RNF166: variants seen among roughly 807,000 people sequenced by gnomAD.
RNF166 encodes E3 ubiquitin-protein ligase RNF166.
In RNF166, 19 loss-of-function variants were observed where a neutral mutation model predicts 29.4. That is an observed-to-expected ratio of 0.65 (90% CI 0.45 to 0.95). The LOEUF (loss-of-function observed/expected upper bound fraction) is 0.95, where lower values mean the gene tolerates loss of function less well. Among genes scored for constraint, RNF166 ranks in the 40% least tolerant of loss-of-function variants. The pLI is 0.00. For missense variants in RNF166, 347 were observed against 322.1 expected (o/e 1.08, Z -0.59); for synonymous variants, 171 against 134.5 (o/e 1.27, Z -1.88).
At chr16:88,701,820 C>T (rs377234700) in intron 1 of RNF166, among the ~76,000 whole-genome samples, 125 of 152,312 alleles carry the variant, frequency 8.2e-4, no homozygotes, top group African/African-American at 2.7e-3. Flanking sequence ...GAAACTCTCC[C>T]GGCTCCACAC....
intron 4 of RNF166, 36 bp from the exon 5 acceptor site, chr16:88,698,645 G>T: frequency 1.4e-6 from 2 of 1,442,222 alleles, no homozygotes; most frequent in Non-Finnish European, 1.9e-6. Context: ...GAGCCGGACC[G>T]CGGAGAGGCG....
chr16:88,700,506 G>C, intron 2 of RNF166: 1 of 713,494 alleles, frequency 1.4e-6, no homozygotes, highest in Non-Finnish European at 1.7e-6. Flanking sequence ...TGGACATCTG[G>C]ACCTTCGACC....
chr16:88,698,399 G>A (rs967675105), intron 5 of RNF166, 103 bp downstream of exon 5: 5 of 915,936 alleles, frequency 5.5e-6, no homozygotes, highest in African/African-American at 3.3e-5. Flanking sequence ...TCTGTTTCTG[G>A]CTTCCTCTGA....
chr16:88,705,225 C>T (rs1910660565), intron 1 of RNF166, among the ~76,000 whole-genome samples: 2 of 152,216 alleles, frequency 1.3e-5, no homozygotes, highest in Non-Finnish European at 2.9e-5. Flanking sequence ...TCCCAGCTCC[C>T]TCTGTACCAG....
At chr16:88,704,575 T>G (rs1910577088) in intron 1 of RNF166, 1 of 985,264 alleles carries the variant, frequency 1.0e-6, no homozygotes. Context: ...ACGGTGAAGG[T>G]GTTGGCACCC....
intron 1 of RNF166, chr16:88,704,155 G>A (rs1181239727): frequency 3.0e-6 from 3 of 985,352 alleles, no homozygotes; most frequent in African/African-American, 3.5e-5. Context: ...GCTTGCGGAG[G>A]GGACAGAACC....
intron 5 of RNF166, 161 bp downstream of exon 5, chr16:88,698,341 G>T: frequency 2.8e-6 from 2 of 725,638 alleles, no homozygotes; most frequent in South Asian, 2.9e-5. Flanking sequence ...CCCACCTGCA[G>T]GCAGCCCCCA....
intron 1 of RNF166, chr16:88,704,073 G>T (rs1910532699): frequency 1.0e-6 from 1 of 985,474 alleles, no homozygotes. Flanking sequence ...AGAGCAGGGT[G>T]CATGCCCCCA....
At position 88,706,386 on chromosome 16, in the gene RNF166, C is replaced by T. The variant is rs1910811403; in HGVS notation, c.-61G>A. 6 of 1,219,290 alleles carry T rather than the reference C, an allele frequency of 4.9e-6. No homozygotes were observed. The highest frequency in any genetic ancestry group is 6.2e-6 in the Non-Finnish European group (6 of 974,932). 75.5% of individuals were successfully genotyped at this position (1,219,290 alleles called of 1,614,324 possible). ...TCCTGGCCCGGGCCGGCCCGCTAGT[C>T]ACAGCCGCTACTGCGCCGCGCTGAC... On this transcript the variant is annotated 5_prime_UTR_variant, in exon 1 of 6. Transcript: ENST00000312838.
intron 1 of RNF166, chr16:88,701,776 G>T (rs1265878500): frequency 4.0e-6 from 1 of 252,222 alleles, no homozygotes; most frequent in Non-Finnish European, 7.7e-6. Flanking sequence ...CACCTGGGTG[G>T]GCTGTGGGGC....
At position 88,706,350 on chromosome 16, in the gene RNF166, GC is replaced by G; in HGVS notation, c.-26del. The G allele has an allele frequency of 4.9e-6, 6 of 1,214,192 alleles. No homozygotes were observed. The highest frequency in any genetic ancestry group is 3.2e-4 in the Middle Eastern group (1 of 3,110). The allele number at this position is 1,214,192 out of a possible 1,614,324, so 75.2% of individuals were successfully genotyped here. A position where few individuals can be genotyped will look rare whatever the true frequency, so the allele number is the denominator to read the frequency against. ...TCCCGGGGCCAGGCCCGCGCCGCCC[GC>G]CGCCCGCTGTCCTGGCCCGGGCCGG... On this transcript the variant is annotated 5_prime_UTR_variant, in exon 1 of 6. Transcript: ENST00000312838.
intron 2 of RNF166, among the ~76,000 whole-genome samples, chr16:88,700,364 G>C (rs967173091): frequency 6.7e-6 from 1 of 149,098 alleles, no homozygotes; most frequent in African/African-American, 2.6e-5. Flanking sequence ...AGGCCGCTCT[G>C]CATGTGACCG....
chr16:88,704,465 G>T, intron 1 of RNF166: 1 of 985,340 alleles, frequency 1.0e-6, no homozygotes, highest in Non-Finnish European at 1.2e-6. Flanking sequence ...TCTGCATTCT[G>T]TGTTATGGAA....
At position 88,697,445 on chromosome 16, in the gene RNF166, C is replaced by T. The variant is rs1042020181; in HGVS notation, c.*123G>A. Reference sequence around the variant, plus strand: ...AGGCTCGGCCCCGGCTCCCCTTCTGCGCGGGTGCAGGCTCCTCCTGTGAGC... The same window carrying T: ...AGGCTCGGCCCCGGCTCCCCTTCTGTGCGGGTGCAGGCTCCTCCTGTGAGC... On this transcript the variant is annotated 3_prime_UTR_variant, in exon 6 of 6. Coordinates refer to ENST00000312838, the MANE Select transcript of RNF166 (RefSeq NM_178841.4). 10 of 697,800 alleles carry T rather than the reference C, an allele frequency of 1.4e-5. No homozygotes were observed. The highest frequency in any genetic ancestry group is 9.1e-5 in the African/African-American group (5 of 55,180). 43.2% of individuals were successfully genotyped at this position (697,800 alleles called of 1,614,324 possible). A position where few individuals can be genotyped will look rare whatever the true frequency, so the allele number is the denominator to read the frequency against.
chr16:88,697,470 C>T lies in RNF166; in HGVS notation c.*98G>A, dbSNP rs1714763184. ...CGCGGGTGCAGGCTCCTCCTGTGAG[C>T]TCAGTCCGGTGAGGTGCGCTCCCGA... On this transcript the variant is annotated 3_prime_UTR_variant, in exon 6 of 6. Coordinates refer to ENST00000312838, the MANE Select transcript of RNF166 (RefSeq NM_178841.4). 2.3e-6 allele frequency: 2 copies of T among 884,106 alleles called. No individual in the cohort carries two copies. Among genetic ancestry groups the T allele is most frequent in the East Asian group, 2.7e-5 (1 of 36,520 alleles). 54.8% of individuals were successfully genotyped at this position (884,106 alleles called of 1,614,324 possible).
Position 88,697,538 on chromosome 16 carries a change from C to G in RNF166, c.*30G>C, listed in dbSNP as rs1333988639. ...CACAGGAGCGGGGACATCCCTGACC[C>G]CAGACGCAGGCGGGTGGCTGCGCTT... On this transcript the variant is annotated 3_prime_UTR_variant, in exon 6 of 6. Transcript: ENST00000312838. 5.2e-6 allele frequency: 8 copies of G among 1,530,614 alleles called. No individual in the cohort carries two copies. Among genetic ancestry groups the G allele is most frequent in the Non-Finnish European group, 7.1e-6 (8 of 1,131,634 alleles). 94.8% of individuals were successfully genotyped at this position (1,530,614 alleles called of 1,614,324 possible). A position where few individuals can be genotyped will look rare whatever the true frequency, so the allele number is the denominator to read the frequency against.
At chr16:88,705,900 G>T (rs1467871669) in intron 1 of RNF166, among the ~76,000 whole-genome samples, 1 of 152,092 alleles carries the variant, frequency 6.6e-6, no homozygotes, top group East Asian at 1.9e-4. Context: ...CCCGAGCTTG[G>T]GCAGGGCCGC....
chr16:88,703,494 G>A (rs985977401), intron 1 of RNF166: 93 of 985,446 alleles, frequency 9.4e-5, no homozygotes, highest in Middle Eastern at 5.2e-4. Context: ...AACCCAGCCC[G>A]ACTGGCAGGG....
intron 3 of RNF166, 147 bp downstream of exon 3, chr16:88,699,473 C>T: frequency 4.7e-6 from 3 of 639,948 alleles, no homozygotes; most frequent in Non-Finnish European, 8.1e-6. Context: ...AGCCTTCCTG[C>T]AGGGTGGCAA....
Sources: gnomAD v4.1 joint callset for allele counts (sites outside exome capture counted in the v4.1 genomes callset) on GRCh38, gnomAD v4.1.1 for gene constraint, MANE v1.5 for transcripts, NCBI Gene and HGNC (gene_info 2026-07-23, HGNC 2026-07-21) for gene names.